CALN1: variants seen among roughly 807,000 people sequenced by gnomAD.
CALN1 encodes the protein calneuron 1.
Under a neutral mutation model 30.6 loss-of-function variants are expected in CALN1, and 17 were observed. That is an observed-to-expected ratio of 0.56 (90% CI 0.38 to 0.83). The LOEUF (loss-of-function observed/expected upper bound fraction) is 0.83, where lower values mean the gene tolerates loss of function less well. CALN1 is among the 40% of genes least tolerant of loss of function. The pLI is 0.00. For missense variants in CALN1, 291 were observed against 354.9 expected, an observed-to-expected ratio of 0.82 and a Z score of 1.45; for synonymous variants, 156 against 131.4, an observed-to-expected ratio of 1.19 and a Z score of -1.28.
chr7:71,839,170 C>T (rs1028573351), intron 5 of CALN1, among the ~76,000 whole-genome samples: 4 of 152,144 alleles, frequency 2.6e-5, no homozygotes, highest in African/African-American at 9.7e-5. Context: ...GATACTCCCC[C>T]TTTAAACTCT....
intron 6 of CALN1, among the ~76,000 whole-genome samples, chr7:71,801,469 T>TATCG (rs1436666748): frequency 2.6e-5 from 4 of 151,310 alleles, no homozygotes; most frequent in South Asian, 4.2e-4. Flanking sequence ...TCTATCTATC[T>TATCG]ATCGAGACAG....
chr7:72,241,875 T>C (rs1794861754), intron 3 of CALN1, among the ~76,000 whole-genome samples: 3 of 151,670 alleles, frequency 2.0e-5, no homozygotes, highest in Non-Finnish European at 4.4e-5. Context: ...TTAAAATCCC[T>C]CTCTCTCTCT....
In CALN1 at chr7:72,149,559, AAC is replaced by A. The variant is rs1247948424; in HGVS notation, c.245-43267_245-43266del. Among the ~76,000 whole-genome samples the A allele has an allele frequency of 2.0e-5, 3 of 152,264 alleles. No individual in the cohort carries two copies. The East Asian group carries it at 5.8e-4, about 29-fold the overall frequency. ...CTTTATAGCAACACAAAAACAGATT[AAC>A]ACACACAGAAACCCTGATTAGCTCA... is the stretch of plus-strand genomic sequence containing the variant. On this transcript the variant is annotated intron_variant, in intron 3 of 6. Coordinates refer to ENST00000395275, the MANE Select transcript of CALN1 (RefSeq NM_031468.4).
At chr7:72,204,957 C>A (rs922934449) in intron 3 of CALN1, among the ~76,000 whole-genome samples, 11 of 152,066 alleles carry the variant, frequency 7.2e-5, no homozygotes, top group Admixed American at 5.2e-4. Context: ...ATTTTATAAT[C>A]CCAACAATAA....
In CALN1 at chr7:72,219,190, A is replaced by C. The variant is rs568654321; in HGVS notation, c.244+59496T>G. On this transcript the variant is annotated intron_variant, in intron 3 of 6. Coordinates refer to ENST00000395275, the MANE Select transcript of CALN1 (RefSeq NM_031468.4). ...GAAGAGGAAAAATTCTTCCCTAGTG[A>C]CAGCCAGCTGTAACTGAGTCAAATG... Among the ~76,000 whole-genome samples, 13 of 152,278 alleles carry C rather than the reference A, an allele frequency of 8.5e-5. No individual in the cohort carries two copies. In the South Asian group the frequency reaches 2.7e-3, roughly 32 times the overall value.
intron 5 of CALN1, among the ~76,000 whole-genome samples, chr7:71,945,861 C>T (rs748917878): frequency 2.6e-5 from 4 of 152,178 alleles, no homozygotes; most frequent in Admixed American, 2.0e-4. Flanking sequence ...TATCTGAAAA[C>T]CATCCTTCCT....
chr7:72,106,794 A>AAGGAAGGGAGGG (rs1807177168), intron 3 of CALN1, among the ~76,000 whole-genome samples: 2 of 33,158 alleles, frequency 6.0e-5, no homozygotes, highest in Non-Finnish European at 6.1e-5. Flanking sequence ...GGGAGGGAGG[A>AAGGAAGGGAGGG]AGGAAGGGAG....
chr7:71,986,856 G>A (rs553280405), intron 5 of CALN1, among the ~76,000 whole-genome samples: 2 of 152,224 alleles, frequency 1.3e-5, no homozygotes, highest in South Asian at 2.1e-4. Flanking sequence ...GGCCAGGCAC[G>A]ATGGCTCATG....
Position 72,216,135 on chromosome 7 carries a change from C to T in CALN1, c.244+62551G>A, listed in dbSNP as rs1198858215. 2.0e-5 allele frequency among the ~76,000 whole-genome samples: 3 copies of T among 152,206 alleles called. No individual in the cohort carries two copies. The East Asian group carries it at 5.8e-4, about 29-fold the overall frequency. Reference sequence around the variant, plus strand: ...TTGTTGACCTTAAATATCACTGGGGCTGGGCGGGGTAGCTCACATCTATAA... The same window carrying T: ...TTGTTGACCTTAAATATCACTGGGGTTGGGCGGGGTAGCTCACATCTATAA... On this transcript the variant is annotated intron_variant, in intron 3 of 6. Transcript: ENST00000395275.
At chr7:72,096,682 GA>G (rs1427963382) in intron 4 of CALN1, among the ~76,000 whole-genome samples, 1 of 152,206 alleles carries the variant, frequency 6.6e-6, no homozygotes, top group East Asian at 1.9e-4. Context: ...TGGTTGTGGA[GA>G]AACAGGAAAA....
At chr7:72,038,528 CCAGAGCA>C (rs1801939384) in intron 4 of CALN1, among the ~76,000 whole-genome samples, 1 of 152,008 alleles carries the variant, frequency 6.6e-6, no homozygotes, top group African/African-American at 2.4e-5. Flanking sequence ...GGTGTTTGAA[CCAGAGCA>C]ACTCCATCTT....
intron 3 of CALN1, among the ~76,000 whole-genome samples, chr7:72,246,916 G>A (rs1000169085): frequency 3.3e-5 from 5 of 152,008 alleles, no homozygotes; most frequent in South Asian, 2.1e-4. Flanking sequence ...CACCATGCCC[G>A]GCTAATTTCA....
At chr7:72,026,493 G>A (rs1181636436) in intron 4 of CALN1, among the ~76,000 whole-genome samples, 1 of 152,038 alleles carries the variant, frequency 6.6e-6, no homozygotes, top group African/African-American at 2.4e-5. Flanking sequence ...GGCTGAGGCA[G>A]GAGAATCGCT....
At chr7:72,378,845 G>T (rs1448754558) in intron 2 of CALN1, among the ~76,000 whole-genome samples, 7 of 152,122 alleles carry the variant, frequency 4.6e-5, no homozygotes. Flanking sequence ...TGCAATTACA[G>T]GCATGAGCCA....
At chr7:71,839,049 A>G (rs1238972811) in intron 5 of CALN1, among the ~76,000 whole-genome samples, 1 of 152,048 alleles carries the variant, frequency 6.6e-6, no homozygotes, top group African/African-American at 2.4e-5. Context: ...GCATCAAGCA[A>G]TCTTCCCACC....
At chr7:72,288,934 C>A (rs1048835130) in intron 2 of CALN1, among the ~76,000 whole-genome samples, 2 of 152,162 alleles carry the variant, frequency 1.3e-5, no homozygotes, top group African/African-American at 2.4e-5. Context: ...TTGGTTCTTG[C>A]AGGCTACTCC....
chr7:72,211,350 C>T (rs943510323), intron 3 of CALN1, among the ~76,000 whole-genome samples: 5 of 152,150 alleles, frequency 3.3e-5, no homozygotes, highest in African/African-American at 9.7e-5. Context: ...ACACTTTTCC[C>T]GCCCATTCCC....
chr7:72,210,308 T>C (rs376529977), intron 3 of CALN1, among the ~76,000 whole-genome samples: 12 of 152,224 alleles, frequency 7.9e-5, no homozygotes, highest in African/African-American at 2.6e-4. Context: ...CTCGGGAGTG[T>C]TGGTGAATGT....
At chr7:72,420,202 T>C (rs1216243426) in intron 1 of CALN1, among the ~76,000 whole-genome samples, 3 of 152,138 alleles carry the variant, frequency 2.0e-5, no homozygotes, top group African/African-American at 7.2e-5. Flanking sequence ...CCTTGGGTTG[T>C]ATGAAGACAT....
Sources: allele counts gnomAD v4.1 joint callset (sites outside exome capture counted in the v4.1 genomes callset), GRCh38; gene constraint gnomAD v4.1.1; transcripts MANE v1.5; gene names NCBI Gene and HGNC (gene_info 2026-07-23, HGNC 2026-07-21).